Variants in FRMPD1 observed in about 807,000 individuals in gnomAD.
FRMPD1 encodes the protein FERM and PDZ domain-containing protein 1.
A neutral mutation model predicts 117.8 loss-of-function variants in FRMPD1; 76 were observed. That is an observed-to-expected ratio of 0.65 (90% CI 0.54 to 0.78). The LOEUF is 0.78. FRMPD1 is among the 30% of genes least tolerant of loss of function. FRMPD1 has a pLI of 0.00. For synonymous variants in FRMPD1, 783 were observed against 770.4 expected, an observed-to-expected ratio of 1.02 and a Z score of -0.27; for missense variants, 1,786 against 1,964.5, an observed-to-expected ratio of 0.91 and a Z score of 1.72.
At chr9:37,725,893 G>A (rs1297100292) in intron 7 of FRMPD1, among the ~76,000 whole-genome samples, 1 of 152,218 alleles carries the variant, frequency 6.6e-6, no homozygotes, top group Non-Finnish European at 1.5e-5. Flanking sequence ...CTGCAGAAAA[G>A]GGAAGCTTTG....
At chr9:37,736,531 CAAAA>C (rs57388208) in intron 13 of FRMPD1, among the ~76,000 whole-genome samples, 2 of 88,564 alleles carry the variant, frequency 2.3e-5, no homozygotes, top group Non-Finnish European at 4.9e-5. Flanking sequence ...AACTCTGTCT[CAAAA>C]AAAAAAAAAA....
At chr9:37,688,867 G>A (rs1822038488) in intron 1 of FRMPD1, among the ~76,000 whole-genome samples, 1 of 151,954 alleles carries the variant, frequency 6.6e-6, no homozygotes, top group South Asian at 2.1e-4. Flanking sequence ...AGTGATTGTA[G>A]CTAATTGTAA....
chr9:37,684,181 G>T (rs1037848518), intron 1 of FRMPD1, among the ~76,000 whole-genome samples: 2 of 152,218 alleles, frequency 1.3e-5, no homozygotes, highest in African/African-American at 2.4e-5. Flanking sequence ...CCCAAGGCTG[G>T]GGGGAGGCAG....
At chr9:37,721,383 G>A (rs899081375) in intron 6 of FRMPD1, among the ~76,000 whole-genome samples, 7 of 152,194 alleles carry the variant, frequency 4.6e-5, no homozygotes, top group African/African-American at 1.7e-4. Context: ...ACTGTATTAA[G>A]AAGGATCTGA....
intron 6 of FRMPD1, 74 bp downstream of exon 6, chr9:37,719,250 T>C: frequency 1.1e-6 from 1 of 906,450 alleles, no homozygotes; most frequent in East Asian, 2.4e-5. Context: ...CCTGAACCTC[T>C]GGAATTCCAC....
chr9:37,707,977 C>T lies in FRMPD1; in HGVS notation c.259+404C>T, dbSNP rs143223253. Among the ~76,000 whole-genome samples, 449 of 152,262 alleles carry T rather than the reference C, an allele frequency of 2.9e-3. 2 individuals are homozygous for T. The highest frequency in any genetic ancestry group is 4.8e-3 in the Non-Finnish European group (326 of 68,016). On this transcript the variant is annotated intron_variant, in intron 3 of 15. Transcript: ENST00000377765. ...TGAACCTTGTGAAATACAGGCTGTACCAGGGTGGAGAGGAGCAGGTGGGGA... is the reference window on the plus strand; with the variant it reads ...TGAACCTTGTGAAATACAGGCTGTATCAGGGTGGAGAGGAGCAGGTGGGGA...
chr9:37,642,594 A>G, the FRMPD1 span, among the ~76,000 whole-genome samples: 1 of 152,192 alleles, frequency 6.6e-6, no homozygotes, highest in Non-Finnish European at 1.5e-5. Flanking sequence ...AGGTCTCAAT[A>G]AAATTTGGCA....
At chr9:37,679,848 AG>A in intron 1 of FRMPD1, among the ~76,000 whole-genome samples, 1 of 152,320 alleles carries the variant, frequency 6.6e-6, no homozygotes, top group East Asian at 1.9e-4. Context: ...CAGCAGCCGC[AG>A]CTGACTCAGC....
At chr9:37,714,219 C>A (rs548376324) in intron 5 of FRMPD1, among the ~76,000 whole-genome samples, 2 of 152,276 alleles carry the variant, frequency 1.3e-5, no homozygotes, top group East Asian at 3.9e-4. Context: ...GTGTTAGGTC[C>A]TTTTTGTTTA....
intron 1 of FRMPD1, among the ~76,000 whole-genome samples, chr9:37,679,815 C>A (rs896457225): frequency 1.3e-5 from 2 of 152,224 alleles, no homozygotes; most frequent in Non-Finnish European, 2.9e-5. Context: ...TCTTTCCCTG[C>A]ACCAGGGTGG....
chr9:37,646,130 A>C (rs969861642), upstream of FRMPD1, among the ~76,000 whole-genome samples: 1 of 152,238 alleles, frequency 6.6e-6, no homozygotes, highest in African/African-American at 2.4e-5. Flanking sequence ...GCAGTACTCC[A>C]GTAGTCCCTG....
chr9:37,657,920 G>T (rs1052996640), intron 1 of FRMPD1, among the ~76,000 whole-genome samples: 18 of 151,774 alleles, frequency 1.2e-4, no homozygotes, highest in African/African-American at 4.4e-4. Flanking sequence ...TCCATCCTCA[G>T]TTGGCTCTGG....
intron 1 of FRMPD1, among the ~76,000 whole-genome samples, chr9:37,662,839 C>T (rs149367118): frequency 2.8e-4 from 42 of 152,200 alleles, no homozygotes; most frequent in African/African-American, 9.9e-4. Context: ...GCTCTTGGGA[C>T]ATGCAGCTCA....
At chr9:37,733,007 C>T (rs893379555) in intron 10 of FRMPD1, among the ~76,000 whole-genome samples, 3 of 152,140 alleles carry the variant, frequency 2.0e-5, no homozygotes, top group Non-Finnish European at 2.9e-5. Flanking sequence ...GTACTAAGTC[C>T]AATCTCTCGC....
chr9:37,746,192 G>A lies in FRMPD1; in HGVS notation c.4160G>A (p.Ser1387Asn), dbSNP rs771155102. Residue 1387 changes from serine (S) to asparagine (N), a missense_variant, in exon 16 of 16, where the codon AGC becomes AAC. Ser to Asn is a conservative substitution (Grantham distance 46). Coordinates refer to ENST00000377765, the MANE Select transcript of FRMPD1 (RefSeq NM_014907.3). ...VLPWRPARAH[S>N]CTTAPLSRKS... Reference sequence around the variant, plus strand: ...CCCTGGAGGCCTGCCCGAGCCCACAGCTGCACCACCGCACCCCTGTCGAGG... The same window carrying A: ...CCCTGGAGGCCTGCCCGAGCCCACAACTGCACCACCGCACCCCTGTCGAGG... The A allele has an allele frequency of 5.0e-6, 8 of 1,610,204 alleles. No homozygotes were observed. Among genetic ancestry groups the A allele is most frequent in the Non-Finnish European group, 5.9e-6 (7 of 1,178,094 alleles).
the FRMPD1 span, among the ~76,000 whole-genome samples, chr9:37,644,581 G>C: frequency 6.6e-6 from 1 of 152,188 alleles, no homozygotes; most frequent in Admixed American, 6.5e-5. Flanking sequence ...CCCCTGGGTA[G>C]GCACGCTAAG....
intron 1 of FRMPD1, among the ~76,000 whole-genome samples, chr9:37,692,121 T>G (rs990285217): frequency 1.3e-5 from 2 of 152,364 alleles, no homozygotes; most frequent in East Asian, 3.9e-4. Context: ...ATCTTTTTTA[T>G]AAGCTAGTGT....
chr9:37,715,308 C>T (rs1327757110), intron 5 of FRMPD1, among the ~76,000 whole-genome samples: 1 of 152,192 alleles, frequency 6.6e-6, no homozygotes, highest in Admixed American at 6.5e-5. Flanking sequence ...GGGCCTCACA[C>T]GCCCATGGTC....
At chr9:37,665,226 A>G (rs551958627) in intron 1 of FRMPD1, among the ~76,000 whole-genome samples, 2 of 152,358 alleles carry the variant, frequency 1.3e-5, no homozygotes, top group South Asian at 2.1e-4. Flanking sequence ...AAAGACTGGA[A>G]GAGTAATTAG....
Sources: allele counts gnomAD v4.1 joint callset (sites outside exome capture counted in the v4.1 genomes callset), GRCh38; gene constraint gnomAD v4.1.1; transcripts MANE v1.5; gene names NCBI Gene and HGNC (gene_info 2026-07-23, HGNC 2026-07-21).